AOPEP: variants seen among roughly 807,000 people sequenced by gnomAD.
The protein encoded by AOPEP is aminopeptidase O (putative), also known as aminopeptidase O.
Under a neutral mutation model 98.1 loss-of-function variants are expected in AOPEP, and 77 were observed. The ratio of observed to expected loss-of-function variants is 0.78; its 90% confidence interval spans 0.65 to 0.95. The LOEUF is 0.95. AOPEP is among the 40% of genes least tolerant of loss of function. AOPEP has a pLI of 0.00. For missense variants in AOPEP, 1,024 were observed against 1,024.7 expected, an observed-to-expected ratio of 1.00 and a Z score of 0.01; for synonymous variants, 346 against 365.3, an observed-to-expected ratio of 0.95 and a Z score of 0.60.
At chr9:95,133,147 G>T in the AOPEP span, among the ~76,000 whole-genome samples, 1 of 152,228 alleles carries the variant, frequency 6.6e-6, no homozygotes, top group Non-Finnish European at 1.5e-5. Context: ...TAGGAAGCAG[G>T]CTCTTCAGGT....
At chr9:95,115,051 C>G in the AOPEP span, among the ~76,000 whole-genome samples, 1 of 152,206 alleles carries the variant, frequency 6.6e-6, no homozygotes, top group Non-Finnish European at 1.5e-5. Flanking sequence ...AGCGATCTTC[C>G]TACCTCAGCC....
chr9:95,104,135 A>G, the AOPEP span, among the ~76,000 whole-genome samples: 7 of 152,216 alleles, frequency 4.6e-5, no homozygotes, highest in Non-Finnish European at 7.3e-5. Context: ...AGAGGAACTG[A>G]CAAAGGCCAG....
At chr9:95,009,727 C>A (rs1046984273) in intron 13 of AOPEP, among the ~76,000 whole-genome samples, 1 of 152,186 alleles carries the variant, frequency 6.6e-6, no homozygotes, top group Non-Finnish European at 1.5e-5. Flanking sequence ...ATGTTACCTT[C>A]ATAATTCTTT....
intron 13 of AOPEP, among the ~76,000 whole-genome samples, chr9:95,059,960 C>T (rs1339733132): frequency 6.6e-6 from 1 of 152,190 alleles, no homozygotes; most frequent in African/African-American, 2.4e-5. Flanking sequence ...CTTACACATG[C>T]TTCTCTTCAT....
intron 3 of AOPEP, among the ~76,000 whole-genome samples, chr9:94,787,347 G>A (rs954498610): frequency 6.6e-6 from 1 of 152,276 alleles, no homozygotes; most frequent in African/African-American, 2.4e-5. Context: ...GGGATTGGGC[G>A]CTCTACGTGG....
intron 4 of AOPEP, 73 bp downstream of exon 4, chr9:94,792,991 C>G: frequency 6.9e-7 from 1 of 1,455,630 alleles, no homozygotes; most frequent in Non-Finnish European, 9.3e-7. Context: ...GCATTTCTTC[C>G]AAGCACTGGG....
At chr9:94,906,371 C>T (rs140478287) in intron 5 of AOPEP, among the ~76,000 whole-genome samples, 2,464 of 151,212 alleles carry the variant, frequency 0.016, 34 homozygotes, top group Middle Eastern at 0.086. Flanking sequence ...GAGGCTGACG[C>T]GGGAAGATTG....
chr9:94,973,580 G>A (rs778306108), intron 10 of AOPEP, among the ~76,000 whole-genome samples: 14 of 152,188 alleles, frequency 9.2e-5, no homozygotes, highest in Non-Finnish European at 1.6e-4. Context: ...ACTCAGAGTC[G>A]CCCTATAGGA....
chr9:95,006,971 G>A (rs377015748), intron 13 of AOPEP, among the ~76,000 whole-genome samples: 1 of 149,318 alleles, frequency 6.7e-6, no homozygotes, highest in African/African-American at 2.5e-5. Flanking sequence ...GCGTGATCTC[G>A]GCTCATTGAA....
At chr9:94,750,810 C>G (rs886929798) in intron 1 of AOPEP, among the ~76,000 whole-genome samples, 9 of 141,238 alleles carry the variant, frequency 6.4e-5, no homozygotes, top group African/African-American at 2.4e-4. Flanking sequence ...GGCAGTGGCT[C>G]AATCTCGGCT....
At chr9:95,091,759 A>G (rs1476024688), downstream of AOPEP, among the ~76,000 whole-genome samples, 3 of 152,154 alleles carry the variant, frequency 2.0e-5, no homozygotes, top group Non-Finnish European at 4.4e-5. Context: ...TTCCTGTTCC[A>G]GTCGGATAAC....
chr9:94,821,275 C>A (rs1853062321), intron 5 of AOPEP, among the ~76,000 whole-genome samples: 1 of 152,124 alleles, frequency 6.6e-6, no homozygotes, highest in Non-Finnish European at 1.5e-5. Context: ...GCGTTCACCC[C>A]ACAGTTTCAG....
rs138614322 is a variant in AOPEP at position 94,845,131 on chromosome 9, A to T, written c.1364+44129A>T. Among the ~76,000 whole-genome samples, 1,510 of 152,358 alleles carry T rather than the reference A, an allele frequency of 9.9e-3. 12 individuals are homozygous for T. The highest frequency in any genetic ancestry group is 0.017 in the Middle Eastern group (5 of 294). On this transcript the variant is annotated intron_variant, in intron 5 of 16. Coordinates refer to ENST00000375315, the MANE Select transcript of AOPEP (RefSeq NM_001193329.3). ...TATGTTCTTAGGTAATGAAAGCACT[A>T]TGAAGAGAAATAAAGCAGAGAAAGG... is the stretch of plus-strand genomic sequence containing the variant.
At chr9:94,902,007 G>C (rs1174314103) in intron 5 of AOPEP, among the ~76,000 whole-genome samples, 1 of 152,184 alleles carries the variant, frequency 6.6e-6, no homozygotes, top group Non-Finnish European at 1.5e-5. Context: ...CAATTCAGCA[G>C]TTCTGAGAAG....
intron 7 of AOPEP, among the ~76,000 whole-genome samples, chr9:94,938,453 A>G (rs1315895599): frequency 6.6e-6 from 1 of 152,204 alleles, no homozygotes; most frequent in African/African-American, 2.4e-5. Context: ...TGACAGATTT[A>G]GTTAGAAAGG....
rs149414189 is a variant in AOPEP, at chr9:94,890,063, C to T, written c.1365-33923C>T. 2.9e-3 allele frequency among the ~76,000 whole-genome samples: 427 copies of T among 149,100 alleles called. 1 individual carries two copies. Among genetic ancestry groups the T allele is most frequent in the South Asian group, 0.011 (50 of 4,674 alleles). ...TTTTTGATACAGAGTCTCACTCTGT[C>T]GACCAGGCTGGAGTGCAGTGGTGTG... On this transcript the variant is annotated intron_variant, in intron 5 of 16. Coordinates refer to ENST00000375315, the MANE Select transcript of AOPEP (RefSeq NM_001193329.3).
At chr9:95,089,814 C>T (rs566833705), downstream of AOPEP, among the ~76,000 whole-genome samples, 1 of 152,362 alleles carries the variant, frequency 6.6e-6, no homozygotes, top group Non-Finnish European at 1.5e-5. Flanking sequence ...GTCACAGGTT[C>T]TCAGTTAATC....
the AOPEP span, chr9:95,101,437 A>C: frequency 1.9e-6 from 1 of 521,520 alleles, no homozygotes; most frequent in Non-Finnish European, 3.5e-6. Flanking sequence ...AGTAATTATC[A>C]AGCTGACGGT....
At chr9:94,910,869 T>C (rs946573602) in intron 5 of AOPEP, among the ~76,000 whole-genome samples, 1 of 152,200 alleles carries the variant, frequency 6.6e-6, no homozygotes, top group Non-Finnish European at 1.5e-5. Flanking sequence ...GCATTTTATG[T>C]AGTTCAACTT....
Sources: gnomAD v4.1 joint callset for allele counts (sites outside exome capture counted in the v4.1 genomes callset) on GRCh38, gnomAD v4.1.1 for gene constraint, MANE v1.5 for transcripts, NCBI Gene and HGNC (gene_info 2026-07-23, HGNC 2026-07-21) for gene names.